Variants in STAG1 observed in about 807,000 individuals in gnomAD.
STAG1 encodes the protein STAG1 cohesin complex component.
Under a neutral mutation model 170.9 loss-of-function variants are expected in STAG1, and 26 were observed. That is an observed-to-expected ratio of 0.15 (90% CI 0.11 to 0.21). The LOEUF is 0.21. Ranked by LOEUF, STAG1 falls within the 10% of genes least tolerant of loss-of-function variation. The probability of loss-of-function intolerance (pLI) is 1.00; values close to 1 mark genes in which losing one functional copy is unlikely to be tolerated. For missense variants in STAG1, 964 were observed against 1,509.5 expected (o/e 0.64, Z 5.99); for synonymous variants, 514 against 497.7 (o/e 1.03, Z -0.44).
rs530423964 is a variant in STAG1, at chr3:136,488,687, T to C, written c.903-11275A>G. On this transcript the variant is annotated intron_variant, in intron 9 of 33. Coordinates refer to ENST00000383202, the MANE Select transcript of STAG1 (RefSeq NM_005862.3). The stretch of plus-strand genomic sequence containing the variant: ...TCAAGCTCTAGTGAAGTCTCAGTTC[T>C]TCTGTGATTCCTATTATTATTATAT... 6.6e-5 allele frequency among the ~76,000 whole-genome samples: 10 copies of C among 152,338 alleles called. No homozygotes were observed. The East Asian group carries it at 1.9e-3, about 29-fold the overall frequency.
At chr3:136,357,696 C>T (rs1560055394) in intron 28 of STAG1, 24 bp downstream of exon 28, 3 of 1,552,270 alleles carry the variant, frequency 1.9e-6, no homozygotes, top group East Asian at 2.3e-5. Context: ...ATAAAAACCA[C>T]TTCTCTTGTA....
chr3:136,692,384 C>T (rs1343112851), intron 1 of STAG1, among the ~76,000 whole-genome samples: 6 of 149,412 alleles, frequency 4.0e-5, no homozygotes, highest in Middle Eastern at 3.6e-3. Context: ...CCTGTAATCC[C>T]AGCACTTTGG....
At chr3:136,449,577 G>GA (rs1318621300) in intron 14 of STAG1, among the ~76,000 whole-genome samples, 9 of 150,624 alleles carry the variant, frequency 6.0e-5, no homozygotes, top group Non-Finnish European at 1.0e-4. Flanking sequence ...AAAAAAGAAG[G>GA]AAAAAAAAGG....
Position 136,519,221 on chromosome 3 carries a change from T to C in STAG1, c.676+1992A>G, listed in dbSNP as rs536339675. ...TTTCTATAATATAGCACTCCTCTTA[T>C]GTTCTTAGAGTAAATGGCATACAAT... On this transcript the variant is annotated intron_variant, in intron 7 of 33. Transcript: ENST00000383202. Among the ~76,000 whole-genome samples, 6 of 152,266 alleles carry C rather than the reference T, an allele frequency of 3.9e-5. No homozygotes were observed. In the East Asian group the frequency reaches 1.2e-3, roughly 29 times the overall value.
At chr3:136,573,511 C>T (rs1937343346) in intron 4 of STAG1, among the ~76,000 whole-genome samples, 1 of 151,874 alleles carries the variant, frequency 6.6e-6, no homozygotes, top group Admixed American at 6.6e-5. Context: ...AATACAGTAA[C>T]ATATTTAATG....
At chr3:136,521,131 A>G in intron 7 of STAG1, 82 bp downstream of exon 7, 1 of 1,131,512 alleles carries the variant, frequency 8.8e-7, no homozygotes, top group Non-Finnish European at 1.3e-6. Context: ...TTTTTAATTA[A>G]ATCTTCTCAT....
At chr3:136,691,929 G>A (rs1288410160) in intron 1 of STAG1, among the ~76,000 whole-genome samples, 2 of 152,114 alleles carry the variant, frequency 1.3e-5, no homozygotes, top group Non-Finnish European at 2.9e-5. Flanking sequence ...ACAGTCCTGA[G>A]GCATAAGTCT....
In STAG1 at chr3:136,752,175, T is replaced by C. The variant is rs1559991179; in HGVS notation, c.-84+20A>G. 1.3e-5 allele frequency: 2 copies of C among 152,580 alleles called. No individual in the cohort carries two copies. The highest frequency in any genetic ancestry group is 2.9e-5 in the Non-Finnish European group (2 of 68,144). 9.5% of individuals were successfully genotyped at this position (152,580 alleles called of 1,614,324 possible). On this transcript the variant is annotated intron_variant, in intron 1 of 33. Coordinates refer to ENST00000383202, the MANE Select transcript of STAG1 (RefSeq NM_005862.3). ...CCCTCTTTCCCGCCCCCCGCCGCCG[T>C]CGCCGCCGCCCGCACTCACCTCAGC...
At chr3:136,642,241 G>A (rs531869119) in intron 1 of STAG1, among the ~76,000 whole-genome samples, 3 of 145,330 alleles carry the variant, frequency 2.1e-5, no homozygotes, top group Admixed American at 6.9e-5. Flanking sequence ...TATGGAACAC[G>A]TACTGTGTAA....
chr3:136,652,067 A>T (rs942292120), intron 1 of STAG1, among the ~76,000 whole-genome samples: 2 of 152,222 alleles, frequency 1.3e-5, no homozygotes, highest in Non-Finnish European at 2.9e-5. Flanking sequence ...TCAGGAGCTA[A>T]GGCCTTCTTG....
chr3:136,714,291 T>C (rs960675218), intron 1 of STAG1, among the ~76,000 whole-genome samples: 1 of 152,070 alleles, frequency 6.6e-6, no homozygotes, highest in African/African-American at 2.4e-5. Context: ...GGTGTGAAAA[T>C]ATTTTTTAAG....
At chr3:136,702,797 C>A (rs1377798649) in intron 1 of STAG1, among the ~76,000 whole-genome samples, 1 of 151,984 alleles carries the variant, frequency 6.6e-6, no homozygotes, top group Non-Finnish European at 1.5e-5. Context: ...GGGCCAGGCA[C>A]GGTGGCTCAC....
At chr3:136,377,065 C>G (rs1000922886) in intron 23 of STAG1, among the ~76,000 whole-genome samples, 1 of 150,474 alleles carries the variant, frequency 6.6e-6, no homozygotes, top group African/African-American at 2.4e-5. Flanking sequence ...GCGTGAGCCA[C>G]TGCGCCCGGC....
chr3:136,677,301 T>C (rs746973422), intron 1 of STAG1, among the ~76,000 whole-genome samples: 36 of 152,126 alleles, frequency 2.4e-4, no homozygotes, highest in Non-Finnish European at 4.6e-4. Context: ...TCTATGACAT[T>C]AGGAAGGTTA....
At chr3:136,413,007 G>A (rs2087669251) in intron 21 of STAG1, among the ~76,000 whole-genome samples, 1 of 151,184 alleles carries the variant, frequency 6.6e-6, no homozygotes, top group African/African-American at 2.4e-5. Flanking sequence ...GGATTACAGG[G>A]ACGTGCCACC....
intron 3 of STAG1, among the ~76,000 whole-genome samples, chr3:136,619,100 T>G (rs1939727488): frequency 6.6e-6 from 1 of 151,992 alleles, no homozygotes; most frequent in Admixed American, 6.6e-5. Context: ...AGTAAAATGC[T>G]AACATTAGGA....
At chr3:136,497,717 T>G (rs1008378262) in intron 9 of STAG1, among the ~76,000 whole-genome samples, 1 of 150,766 alleles carries the variant, frequency 6.6e-6, no homozygotes, top group African/African-American at 2.4e-5. Flanking sequence ...TAGCTGGGCG[T>G]GGTGGCAGGC....
intron 3 of STAG1, among the ~76,000 whole-genome samples, chr3:136,617,892 A>G (rs1939669153): frequency 6.6e-6 from 1 of 152,204 alleles, no homozygotes; most frequent in Admixed American, 6.5e-5. Context: ...GTCTACATTA[A>G]ACTACCAAAT....
chr3:136,351,261 T>C (rs1936424324), intron 28 of STAG1, among the ~76,000 whole-genome samples: 1 of 152,136 alleles, frequency 6.6e-6, no homozygotes, highest in Non-Finnish European at 1.5e-5. Flanking sequence ...CTGAGCTAAC[T>C]TGGCATTTCA....
Sources: allele counts gnomAD v4.1 joint callset (sites outside exome capture counted in the v4.1 genomes callset), GRCh38; gene constraint gnomAD v4.1.1; transcripts MANE v1.5; gene names NCBI Gene and HGNC (gene_info 2026-07-23, HGNC 2026-07-21).